ROR1: variants seen among roughly 807,000 people sequenced by gnomAD.
The protein encoded by ROR1 is inactive tyrosine-protein kinase transmembrane receptor ROR1.
In ROR1, 19 loss-of-function variants were observed where a neutral mutation model predicts 78.8. The ratio of observed to expected loss-of-function variants is 0.24; its 90% CI spans 0.17 to 0.35. The LOEUF (loss-of-function observed/expected upper bound fraction) is 0.35. Among genes scored for constraint, ROR1 ranks in the 10% least tolerant of loss-of-function variants. The probability of loss-of-function intolerance (pLI) is 1.00; values close to 1 mark genes in which losing one functional copy is unlikely to be tolerated. For synonymous variants in ROR1, 386 were observed against 433.6 expected (o/e 0.89, Z 1.36); for missense variants, 917 against 1,177.8 (o/e 0.78, Z 3.24).
intron 1 of ROR1, among the ~76,000 whole-genome samples, chr1:63,919,315 T>C (rs957176136): frequency 6.6e-6 from 1 of 152,168 alleles, no homozygotes; most frequent in Non-Finnish European, 1.5e-5. Context: ...GCCCTCTTTC[T>C]TCAGCTGTAA....
At chr1:64,080,874 C>T (rs561597383) in intron 4 of ROR1, among the ~76,000 whole-genome samples, 16 of 152,262 alleles carry the variant, frequency 1.1e-4, no homozygotes, top group African/African-American at 2.2e-4. Context: ...AAGACCAAGA[C>T]GGTGGTATGA....
chr1:64,106,505 G>C (rs1368867559), intron 4 of ROR1: 1 of 152,194 alleles, frequency 6.6e-6, no homozygotes, highest in East Asian at 1.9e-4. Context: ...GTTGAATAGA[G>C]TGGTGAGAAG....
In ROR1 at chr1:63,848,110, C is replaced by T. The variant is rs893238119; in HGVS notation, c.91+73602C>T. On this transcript the variant is annotated intron_variant, in intron 1 of 8. Transcript: ENST00000371079. Reference sequence around the variant, plus strand: ...GGATTGATTTATTTCTGTGAACACTCTGGGAAAATGGCCACTTGTCGCTCT... The same window carrying T: ...GGATTGATTTATTTCTGTGAACACTTTGGGAAAATGGCCACTTGTCGCTCT... 1.2e-4 allele frequency among the ~76,000 whole-genome samples: 18 copies of T among 152,176 alleles called. 1 individual carries two copies. The highest frequency in any genetic ancestry group is 9.8e-4 in the Admixed American group (15 of 15,280).
chr1:64,121,059 C>CTTTTTTTTTTTTTTTTTTTTTTTTTT (rs200292093), intron 4 of ROR1, among the ~76,000 whole-genome samples: 1 of 82,012 alleles, frequency 1.2e-5, no homozygotes, highest in Non-Finnish European at 2.2e-5. Context: ...GGAGATACCC[C>CTTTTTTTTTTTTTTTTTTTTTTTTTT]TTTTTTTTTT....
chr1:64,064,335 T>G (rs1163867886), intron 4 of ROR1, among the ~76,000 whole-genome samples: 1 of 152,112 alleles, frequency 6.6e-6, no homozygotes, highest in Non-Finnish European at 1.5e-5. Flanking sequence ...ACTGCTGGGG[T>G]TATCACCCAA....
At chr1:63,884,365 G>A (rs1645342861) in intron 1 of ROR1, among the ~76,000 whole-genome samples, 1 of 152,162 alleles carries the variant, frequency 6.6e-6, no homozygotes, top group African/African-American at 2.4e-5. Flanking sequence ...ATGGAGACCA[G>A]TTTGCTGTAG....
intron 1 of ROR1, among the ~76,000 whole-genome samples, chr1:63,959,960 A>G (rs770399704): frequency 6.6e-5 from 10 of 152,198 alleles, no homozygotes; most frequent in Non-Finnish European, 8.8e-5. Context: ...CATTTTGAGC[A>G]TCACCTCCCA....
intron 1 of ROR1, among the ~76,000 whole-genome samples, chr1:63,961,316 C>T (rs1646025875): frequency 1.3e-5 from 2 of 152,144 alleles, no homozygotes; most frequent in Non-Finnish European, 2.9e-5. Context: ...TCCATATGAT[C>T]CAATAATCCT....
At chr1:63,820,216 A>G (rs959149083) in intron 1 of ROR1, among the ~76,000 whole-genome samples, 6 of 152,126 alleles carry the variant, frequency 3.9e-5, no homozygotes, top group African/African-American at 1.4e-4. Context: ...AGCCATTGTA[A>G]TGTTTTAGTG....
chr1:64,100,217 C>T (rs112111506), intron 4 of ROR1, among the ~76,000 whole-genome samples: 2,461 of 151,880 alleles, frequency 0.016, 52 homozygotes, highest in African/African-American at 0.055. Context: ...TGTGGTGGCT[C>T]GTGTCTGTAA....
In ROR1 at chr1:63,925,014, TA is replaced by T. The variant is rs1188030819; in HGVS notation, c.92-84290del. 5.3e-5 allele frequency among the ~76,000 whole-genome samples: 8 copies of T among 151,378 alleles called. No homozygotes were observed. The East Asian group carries it at 1.4e-3, about 26-fold the overall frequency. ...TTTTCTTTCTTTATTTTTTATTTTT[TA>T]TTTTTTTATTATTATACTTTAAGTT... On this transcript the variant is annotated intron_variant, in intron 1 of 8. Coordinates refer to ENST00000371079, the MANE Select transcript of ROR1 (RefSeq NM_005012.4).
At chr1:63,885,777 AC>A (rs1645352484) in intron 1 of ROR1, among the ~76,000 whole-genome samples, 1 of 152,126 alleles carries the variant, frequency 6.6e-6, no homozygotes, top group South Asian at 2.1e-4. Flanking sequence ...ATTCCTCCAA[AC>A]GTGAACCCTC....
At chr1:63,847,838 C>T (rs1033057032) in intron 1 of ROR1, among the ~76,000 whole-genome samples, 1 of 152,092 alleles carries the variant, frequency 6.6e-6, no homozygotes, top group African/African-American at 2.4e-5. Context: ...GCTGATAAGT[C>T]CCATGTGTCT....
intron 4 of ROR1, among the ~76,000 whole-genome samples, chr1:64,114,802 C>T (rs1648251907): frequency 6.6e-6 from 1 of 152,150 alleles, no homozygotes; most frequent in African/African-American, 2.4e-5. Flanking sequence ...CTTGTCCCAC[C>T]TCCTCTTTAC....
intron 1 of ROR1, among the ~76,000 whole-genome samples, chr1:63,905,567 A>C (rs926470874): frequency 2.0e-5 from 3 of 152,210 alleles, no homozygotes; most frequent in African/African-American, 7.2e-5. Flanking sequence ...AAACGGATGT[A>C]GTTTTTAAGA....
chr1:64,012,842 A>T (rs1324612916), intron 2 of ROR1, among the ~76,000 whole-genome samples: 2 of 152,174 alleles, frequency 1.3e-5, no homozygotes, highest in Non-Finnish European at 2.9e-5. Context: ...TCAAAATTAT[A>T]TAATTGAAGA....
chr1:64,098,708 TC>T (rs1196267643), intron 4 of ROR1, among the ~76,000 whole-genome samples: 7 of 152,140 alleles, frequency 4.6e-5, no homozygotes, highest in African/African-American at 1.7e-4. Context: ...GGATTACTGT[TC>T]CCCAAGGTAC....
intron 4 of ROR1, among the ~76,000 whole-genome samples, chr1:64,079,469 G>GT (rs1647081610): frequency 8.9e-6 from 1 of 112,656 alleles, no homozygotes; most frequent in Non-Finnish European, 2.0e-5. Flanking sequence ...TCTTGATTGG[G>GT]ATTTTTTTTT....
At chr1:64,005,086 G>A (rs995823596) in intron 1 of ROR1, among the ~76,000 whole-genome samples, 5 of 152,170 alleles carry the variant, frequency 3.3e-5, no homozygotes, top group African/African-American at 7.2e-5. Flanking sequence ...GATTAGTGAG[G>A]CATGTGAAAT....
Sources: allele counts gnomAD v4.1 joint callset (sites outside exome capture counted in the v4.1 genomes callset), GRCh38; gene constraint gnomAD v4.1.1; transcripts MANE v1.5; gene names NCBI Gene and HGNC (gene_info 2026-07-23, HGNC 2026-07-21).